Variants in LAMA5 observed in about 807,000 individuals in gnomAD.
LAMA5 encodes the protein laminin subunit alpha 5, also known as laminin subunit alpha-5.
In LAMA5, 260 loss-of-function variants were observed where a neutral mutation model predicts 433.4. The ratio of observed to expected loss-of-function variants is 0.60; its 90% CI spans 0.54 to 0.66. The LOEUF (loss-of-function observed/expected upper bound fraction) is 0.66. Among genes scored for constraint, LAMA5 ranks in the 30% least tolerant of loss-of-function variants. LAMA5 has a pLI of 0.00. For missense variants in LAMA5, 5,378 were observed against 5,258.5 expected, an observed-to-expected ratio of 1.02 and a Z score of -0.70; for synonymous variants, 2,620 against 2,226.6, an observed-to-expected ratio of 1.18 and a Z score of -4.97.
chr20:62,333,018 G>T, intron 26 of LAMA5, 72 bp downstream of exon 26: 1 of 1,418,122 alleles, frequency 7.1e-7, no homozygotes, highest in Non-Finnish European at 9.3e-7. Flanking sequence ...ACCTGCCACC[G>T]CCACAGGACC....
chr20:62,365,411 C>G (rs1337336144), intron 1 of LAMA5, among the ~76,000 whole-genome samples: 3 of 152,226 alleles, frequency 2.0e-5, no homozygotes, highest in African/African-American at 7.2e-5. Context: ...CAGGCTGGCC[C>G]TTTACTCACG....
At position 62,351,383 on chromosome 20, in the gene LAMA5, C is replaced by A. The variant is rs181849701; in HGVS notation, c.956+321G>T. On this transcript the variant is annotated intron_variant, in intron 6 of 79. Transcript: ENST00000252999. ...CCATTGCTGACTCCCCTCCACAGGG[C>A]CCCAGGTGTCCACTATGGTGGGAAG... 4.7e-5 allele frequency: 24 copies of A among 506,238 alleles called. No homozygotes were observed. The East Asian group carries it at 7.8e-4, about 16-fold the overall frequency. The allele number at this position is 506,238 out of a possible 1,614,324, so 31.4% of individuals were successfully genotyped here.
intron 2 of LAMA5, among the ~76,000 whole-genome samples, chr20:62,361,669 G>A (rs1276701272): frequency 6.6e-6 from 1 of 152,202 alleles, no homozygotes; most frequent in East Asian, 1.9e-4. Flanking sequence ...CTCAGGCCCA[G>A]CCTCCTCCAC....
At position 62,352,262 on chromosome 20, in the gene LAMA5, C is replaced by T. The variant is rs144181548; in HGVS notation, c.667G>A (p.Val223Met). The T allele has an allele frequency of 1.5e-5, 24 of 1,599,496 alleles. No individual in the cohort carries two copies. The highest frequency in any genetic ancestry group is 6.7e-5 in the Admixed American group (4 of 59,980). Residue 223 changes from valine to methionine, a missense_variant, in exon 4 of 80, where the codon GTG (valine) becomes ATG (methionine). Val to Met is a conservative substitution (Grantham distance 21). Transcript: ENST00000252999. The stretch of plus-strand genomic sequence containing the variant: ...CCCACCTCTCCGTTCTCCAGGGGCA[C>T]GATGCGTGAGTACTCGGTGGTGCAG... ...AICTTEYSRI[V>M]PLENGEIVVS...
chr20:62,320,541 G>T lies in LAMA5; in HGVS notation c.6759+18C>A, dbSNP rs1181273095. 34 of 1,569,074 alleles carry T rather than the reference G, an allele frequency of 2.2e-5. No individual in the cohort carries two copies. The highest frequency in any genetic ancestry group is 2.5e-5 in the Non-Finnish European group (29 of 1,162,680). On this transcript the variant is annotated intron_variant, in intron 50 of 79. Transcript: ENST00000252999. ...GGTGAAAGCCTCCCGGGGCCCTGGGGGGTCTTGGGGCTCCTGCCTGGCCGC... is the reference window on the plus strand; with the variant it reads ...GGTGAAAGCCTCCCGGGGCCCTGGGTGGTCTTGGGGCTCCTGCCTGGCCGC...
chr20:62,348,008 G>A (rs1335529550), intron 6 of LAMA5, among the ~76,000 whole-genome samples: 6 of 152,312 alleles, frequency 3.9e-5, no homozygotes, highest in East Asian at 1.9e-4. Context: ...CTGCTCTGTC[G>A]TCACACCAGC....
chr20:62,328,635 G>A lies in LAMA5; in HGVS notation c.4448-190C>T, dbSNP rs543271899. Among the ~76,000 whole-genome samples, 16 of 151,432 alleles carry A rather than the reference G, an allele frequency of 1.1e-4. No individual in the cohort carries two copies. In the East Asian group the frequency reaches 2.5e-3, roughly 24 times the overall value. The stretch of plus-strand genomic sequence containing the variant: ...GCAGCTGCTCAGAATCAACATCATC[G>A]TCAGAGACTGTGGACCACCTGCTGG... On this transcript the variant is annotated intron_variant, in intron 34 of 79. Transcript: ENST00000252999.
At position 62,334,225 on chromosome 20, in the gene LAMA5, G is replaced by T; in HGVS notation, c.2700C>A (p.Asn900Lys). 1.2e-6 allele frequency: 2 copies of T among 1,612,948 alleles called. No homozygotes were observed. The highest frequency in any genetic ancestry group is 1.7e-6 in the Non-Finnish European group (2 of 1,179,904). Residue 900 changes from asparagine (N) to lysine (K), a missense_variant, in exon 22 of 80, where the codon AAC (asparagine) becomes AAA (lysine). Coordinates refer to ENST00000252999, the MANE Select transcript of LAMA5 (RefSeq NM_005560.6). Reference sequence around the variant, plus strand: ...TCTGCGCGTAGCCCCTCCAGCTGAAGTTCTCGAACTCGAGGGGGTTGAAGC... The same window carrying T: ...TCTGCGCGTAGCCCCTCCAGCTGAATTTCTCGAACTCGAGGGGGTTGAAGC... ...RFGFNPLEFE[N>K]FSWRGYAQMA...
In LAMA5 at chr20:62,314,872, G is replaced by A. The variant is rs757632801; in HGVS notation, c.8123C>T (p.Ala2708Val). The A allele has an allele frequency of 2.5e-6, 4 of 1,612,142 alleles. No homozygotes were observed. In the African/African-American group the frequency reaches 4.0e-5, roughly 16 times the overall value. The change falls in exon 60 of 80, where the codon GCC (alanine) becomes GTC (valine). Residue 2708 changes from alanine to valine, a missense_variant. Transcript: ENST00000252999. ...AATGCTGGCGGACAGGGCCAGGCTG[G>A]CGTTGTGCACCCCACGGTTCTCCAG... is the stretch of plus-strand genomic sequence containing the variant. ...SILENRGVHN[A>V]SLALSASIGR...
chr20:62,327,048 C>G (rs1204640283), intron 38 of LAMA5, 82 bp from the exon 39 acceptor site: 105 of 1,174,288 alleles, frequency 8.9e-5, no homozygotes, highest in South Asian at 3.1e-4. Context: ...TGGGCACCCC[C>G]AGCACAGAGC....
Position 62,329,037 on chromosome 20 carries a change from C to A in LAMA5, c.4254G>T (p.Leu1418=). ...GYHISPSSSS[L]FCRNAAASLS... ...GGGAAGCAGCAGCGTTTCGGCAGAA[C>A]AGGGATGAGCTGCTGGGGCTACATG... is the stretch of plus-strand genomic sequence containing the variant. The change falls in exon 34 of 80, where the codon CTG becomes CTT. Residue 1418 remains leucine (L), a synonymous_variant. Transcript: ENST00000252999. 3.1e-6 allele frequency: 5 copies of A among 1,612,754 alleles called. No homozygotes were observed. Among genetic ancestry groups the A allele is most frequent in the Non-Finnish European group, 4.2e-6 (5 of 1,179,912 alleles).
At position 62,323,457 on chromosome 20, in the gene LAMA5, G is replaced by A; in HGVS notation, c.6063C>T (p.Thr2021=). 6.5e-7 allele frequency: 1 copy of A among 1,538,758 alleles called. No homozygotes were observed. Among genetic ancestry groups the A allele is most frequent in the South Asian group, 1.2e-5 (1 of 83,558 alleles). ...YGNALLPGNC[T]RCDCTPCGTE... ...CATCCCTCCCAGCCCGACGCCTACGGGTGCAGTTGCCGGGCAGCAGGGCGT... is the reference window on the plus strand; with the variant it reads ...CATCCCTCCCAGCCCGACGCCTACGAGTGCAGTTGCCGGGCAGCAGGGCGT... The change falls in exon 45 of 80, where the codon ACC becomes ACT. Residue 2021 remains threonine (T), a splice_region_variant and synonymous_variant. Transcript: ENST00000252999.
intron 51 of LAMA5, among the ~76,000 whole-genome samples, chr20:62,319,480 G>A (rs961109318): frequency 2.0e-5 from 3 of 152,246 alleles, no homozygotes; most frequent in Admixed American, 6.5e-5. Context: ...GGGGTCTGAC[G>A]TCTCCCGGGG....
At position 62,310,883 on chromosome 20, in the gene LAMA5, C is replaced by CCTT. The variant is rs1379826024; in HGVS notation, c.10281+16_10281+18dup. The CCTT allele has an allele frequency of 1.2e-6, 2 of 1,608,264 alleles. No individual in the cohort carries two copies. The highest frequency in any genetic ancestry group is 8.5e-7 in the Non-Finnish European group (1 of 1,178,304). On this transcript the variant is annotated intron_variant, in intron 74 of 79. Coordinates refer to ENST00000252999, the MANE Select transcript of LAMA5 (RefSeq NM_005560.6). ...GCTGCCAGGCCCTGCCCACCACCTT[C>CCTT]CTTCTTCTCGGCCCTCACCTTGTGC...
Position 62,311,772 on chromosome 20 carries a change from A to G in LAMA5, c.9648T>C (p.Tyr3216=), listed in dbSNP as rs1354812726. The G allele has an allele frequency of 6.4e-7, 1 of 1,562,172 alleles. No homozygotes were observed. Among genetic ancestry groups the G allele is most frequent in the Non-Finnish European group, 8.7e-7 (1 of 1,154,660 alleles). The change falls in exon 71 of 80, where the codon TAT becomes TAC. Residue 3216 remains tyrosine, a synonymous_variant. Transcript: ENST00000252999. Reference sequence around the variant, plus strand: ...TCATCTGCTGGAGCTGGTCATCGACATACAGCCAGACTCTGGGGGGCGGGA... The same window carrying G: ...TCATCTGCTGGAGCTGGTCATCGACGTACAGCCAGACTCTGGGGGGCGGGA... The part of the protein sequence containing the change: ...FYSNATGVWL[Y]VDDQLQQMKP...
chr20:62,325,571 G>A, intron 40 of LAMA5, 25 bp from the exon 41 acceptor site: 2 of 1,499,330 alleles, frequency 1.3e-6, no homozygotes, highest in South Asian at 2.4e-5. Context: ...TGGCACCTCA[G>A]TGGGGCCACA....
chr20:62,347,154 G>A (rs559286679), intron 6 of LAMA5, 126 bp from the exon 7 acceptor site: 31 of 685,016 alleles, frequency 4.5e-5, no homozygotes, highest in East Asian at 2.7e-4. Context: ...ACGGCCCCCC[G>A]CTGCTGTTTC....
chr20:62,316,838 T>A (rs770713433), intron 56 of LAMA5, 44 bp downstream of exon 56: 3 of 1,542,396 alleles, frequency 1.9e-6, no homozygotes, highest in East Asian at 2.4e-5. Context: ...GTGCAGGCAG[T>A]GGGGGCGCTC....
chr20:62,364,314 A>T (rs1383220894), intron 1 of LAMA5, among the ~76,000 whole-genome samples: 1 of 151,540 alleles, frequency 6.6e-6, no homozygotes, highest in Non-Finnish European at 1.5e-5. Flanking sequence ...GGACAGCCGG[A>T]CCTCCCAGGG....
Sources: gnomAD v4.1 joint callset for allele counts (sites outside exome capture counted in the v4.1 genomes callset) on GRCh38, gnomAD v4.1.1 for gene constraint, MANE v1.5 for transcripts, NCBI Gene and HGNC (gene_info 2026-07-23, HGNC 2026-07-21) for gene names.